MARCHF11: variants seen among roughly 807,000 people sequenced by gnomAD.
The protein encoded by MARCHF11 is E3 ubiquitin-protein ligase MARCHF11.
MARCHF11 carries 29 observed loss-of-function variants against 37.3 expected under a neutral mutation model. That is an observed-to-expected ratio of 0.78 (90% confidence interval 0.58 to 1.06). The LOEUF (loss-of-function observed/expected upper bound fraction) is 1.06, where lower values mean the gene tolerates loss of function less well. Among genes scored for constraint, MARCHF11 ranks in the 50% least tolerant of loss-of-function variants. MARCHF11 has a pLI of 0.00. For missense variants in MARCHF11, 482 were observed against 533.4 expected, an observed-to-expected ratio of 0.90 and a Z score of 0.95; for synonymous variants, 233 against 228.0, an observed-to-expected ratio of 1.02 and a Z score of -0.20.
intron 2 of MARCHF11, among the ~76,000 whole-genome samples, chr5:16,107,227 G>A (rs1299724239): frequency 1.3e-5 from 2 of 152,170 alleles, no homozygotes; most frequent in Admixed American, 6.5e-5. Flanking sequence ...GATATAAAAT[G>A]TGCAGGCAAA....
chr5:16,107,781 T>C (rs573634206), intron 2 of MARCHF11, among the ~76,000 whole-genome samples: 1 of 152,032 alleles, frequency 6.6e-6, no homozygotes, highest in African/African-American at 2.4e-5. Flanking sequence ...AATGGCAGAA[T>C]GGCGTGGCAG....
chr5:16,174,884 T>A (rs1052306465), intron 2 of MARCHF11, among the ~76,000 whole-genome samples: 1 of 152,320 alleles, frequency 6.6e-6, no homozygotes. Flanking sequence ...TATTTCCCCT[T>A]CTCTTGAATC....
intron 3 of MARCHF11, among the ~76,000 whole-genome samples, chr5:16,068,518 G>A (rs1736386796): frequency 6.6e-6 from 1 of 152,172 alleles, no homozygotes; most frequent in Non-Finnish European, 1.5e-5. Context: ...AAACAGGCAG[G>A]CTTGCTCCAG....
intron 2 of MARCHF11, among the ~76,000 whole-genome samples, chr5:16,148,866 A>G (rs1737846712): frequency 6.6e-6 from 1 of 152,188 alleles, no homozygotes; most frequent in Admixed American, 6.5e-5. Context: ...TAAGTTTACC[A>G]GGATGGAAAT....
rs1276745441 is a variant in MARCHF11 at position 16,179,533 on chromosome 5, C to T, written c.43G>A (p.Ala15Thr). 1.4e-5 allele frequency: 16 copies of T among 1,183,318 alleles called. No individual in the cohort carries two copies. Among genetic ancestry groups the T allele is most frequent in the Non-Finnish European group, 1.6e-5 (15 of 957,222 alleles). 73.3% of individuals were successfully genotyped at this position (1,183,318 alleles called of 1,614,324 possible). The stretch of plus-strand genomic sequence containing the variant: ...GGAGGCTCGGCGTCCCCGCTCTCCG[C>T]CCCGCGACACCGACTGCCGCCGTGG... ...GGHGGSRCRGAESGDAEPPPQ... is the reference protein window; with the variant it reads ...GGHGGSRCRGTESGDAEPPPQ... The change falls in exon 1 of 4, where the codon GCG (alanine) becomes ACG (threonine). Residue 15 changes from alanine to threonine, a missense_variant. Coordinates refer to ENST00000332432, the MANE Select transcript of MARCHF11 (RefSeq NM_001102562.3).
chr5:16,137,397 C>A (rs1560985991), intron 2 of MARCHF11, among the ~76,000 whole-genome samples: 2 of 151,948 alleles, frequency 1.3e-5, no homozygotes, highest in African/African-American at 2.4e-5. Flanking sequence ...GTATGATATG[C>A]CTTTGCTCCT....
intron 3 of MARCHF11, among the ~76,000 whole-genome samples, chr5:16,089,088 A>G (rs1433091191): frequency 6.6e-6 from 1 of 151,148 alleles, no homozygotes; most frequent in Non-Finnish European, 1.5e-5. Context: ...ACTAAATGCA[A>G]GTTCTGAAAT....
At chr5:16,146,203 T>G (rs1345501359) in intron 2 of MARCHF11, among the ~76,000 whole-genome samples, 1 of 152,208 alleles carries the variant, frequency 6.6e-6, no homozygotes, top group Non-Finnish European at 1.5e-5. Flanking sequence ...AGGAACCTTT[T>G]TGCTTCTATT....
intron 2 of MARCHF11, among the ~76,000 whole-genome samples, chr5:16,137,348 G>C (rs773453754): frequency 3.3e-5 from 5 of 152,168 alleles, no homozygotes; most frequent in Non-Finnish European, 5.9e-5. Context: ...ATTTTATAAA[G>C]GGCAGTTCCA....
chr5:16,146,948 A>AG (rs1486784854), intron 2 of MARCHF11, among the ~76,000 whole-genome samples: 1 of 152,174 alleles, frequency 6.6e-6, no homozygotes, highest in East Asian at 1.9e-4. Flanking sequence ...AATCTTAAAG[A>AG]GACTGAGATA....
Position 16,161,051 on chromosome 5 carries a change from T to C in MARCHF11, c.693+16675A>G, listed in dbSNP as rs558021159. ...GAAAGGTTTTAAACTTTTTTTAAAT[T>C]ATACTTTAAGCTTTAGGGTACATGT... is the stretch of plus-strand genomic sequence containing the variant. On this transcript the variant is annotated intron_variant, in intron 2 of 3. Transcript: ENST00000332432. Among the ~76,000 whole-genome samples the C allele has an allele frequency of 2.0e-5, 3 of 152,082 alleles. No homozygotes were observed. The East Asian group carries it at 5.8e-4, about 30-fold the overall frequency.
chr5:16,095,981 T>G (rs1736861318), intron 2 of MARCHF11, among the ~76,000 whole-genome samples: 1 of 152,208 alleles, frequency 6.6e-6, no homozygotes, highest in South Asian at 2.1e-4. Flanking sequence ...ATCCATCCCA[T>G]CAGTGCCTAT....
In MARCHF11 at chr5:16,179,283, G is replaced by A. The variant is rs1351987435; in HGVS notation, c.293C>T (p.Ala98Val). The A allele has an allele frequency of 1.5e-6, 2 of 1,293,848 alleles. No homozygotes were observed. Among genetic ancestry groups the A allele is most frequent in the Non-Finnish European group, 2.0e-6 (2 of 1,020,416 alleles). The allele number at this position is 1,293,848 out of a possible 1,614,324, so 80.1% of individuals were successfully genotyped here. A position where few individuals can be genotyped will look rare whatever the true frequency, so the allele number is the denominator to read the frequency against. ...CGGACCTTCCCCGGAGTCGCCGGCCGCCGCCACTTCCTGGCCGGCGGGCTG... is the reference window on the plus strand; with the variant it reads ...CGGACCTTCCCCGGAGTCGCCGGCCACCGCCACTTCCTGGCCGGCGGGCTG... ...PLQPAGQEVAAAGDSGEGPRR... is the reference protein window; with the variant it reads ...PLQPAGQEVAVAGDSGEGPRR... The change falls in exon 1 of 4, where the codon GCG becomes GTG. Residue 98 changes from alanine to valine, a missense_variant. Ala to Val is a moderately conservative substitution (Grantham distance 64). Coordinates refer to ENST00000332432, the MANE Select transcript of MARCHF11 (RefSeq NM_001102562.3).
At chr5:16,164,729 T>G in intron 2 of MARCHF11, among the ~76,000 whole-genome samples, 1 of 152,206 alleles carries the variant, frequency 6.6e-6, no homozygotes, top group Middle Eastern at 3.4e-3. Context: ...AAATAAATTG[T>G]AAAACGAAAT....
chr5:16,109,345 G>A (rs1185656380), intron 2 of MARCHF11, among the ~76,000 whole-genome samples: 1 of 152,140 alleles, frequency 6.6e-6, no homozygotes, highest in East Asian at 1.9e-4. Context: ...GAGAAAAGAG[G>A]AGCTGAAGGT....
At chr5:16,131,433 T>A (rs1560984167) in intron 2 of MARCHF11, among the ~76,000 whole-genome samples, 1 of 152,186 alleles carries the variant, frequency 6.6e-6, no homozygotes, top group Non-Finnish European at 1.5e-5. Context: ...AAATGTGTAA[T>A]TATACTAAAA....
chr5:16,071,683 T>C (rs60077208), intron 3 of MARCHF11, among the ~76,000 whole-genome samples: 7,607 of 152,246 alleles, frequency 0.05, 384 homozygotes, highest in African/African-American at 0.13. Flanking sequence ...ACATGTGAAG[T>C]GTTATAATTA....
chr5:16,122,659 T>A (rs1170952523), intron 2 of MARCHF11, among the ~76,000 whole-genome samples: 1 of 152,212 alleles, frequency 6.6e-6, no homozygotes, highest in Non-Finnish European at 1.5e-5. Flanking sequence ...TCTAGCCTCC[T>A]GTCCCAACAC....
intron 2 of MARCHF11, chr5:16,141,181 G>C (rs1201380516): frequency 6.6e-6 from 1 of 152,070 alleles, no homozygotes; most frequent in Non-Finnish European, 1.5e-5. Flanking sequence ...CTCTCAACAG[G>C]AGGCATTGGA....
Sources: gnomAD v4.1 joint callset for allele counts (sites outside exome capture counted in the v4.1 genomes callset) on GRCh38, gnomAD v4.1.1 for gene constraint, MANE v1.5 for transcripts, NCBI Gene and HGNC (gene_info 2026-07-23, HGNC 2026-07-21) for gene names.